ROBO1: variants seen among roughly 807,000 people sequenced by gnomAD.
ROBO1 encodes the protein roundabout guidance receptor 1, also known as roundabout homolog 1.
Under a neutral mutation model 195.9 loss-of-function variants are expected in ROBO1, and 149 were observed. The observed-to-expected ratio is 0.76, with a 90% CI of 0.67 to 0.87. The LOEUF is 0.87. ROBO1 is among the 40% of genes least tolerant of loss of function. The pLI is 0.00. For missense variants in ROBO1, 1,933 were observed against 2,068.3 expected, an observed-to-expected ratio of 0.93 and a Z score of 1.27; for synonymous variants, 816 against 733.2, an observed-to-expected ratio of 1.11 and a Z score of -1.82.
chr3:79,105,072 CA>C (rs1291257445), intron 3 of ROBO1, among the ~76,000 whole-genome samples: 2 of 151,422 alleles, frequency 1.3e-5, no homozygotes, highest in Non-Finnish European at 3.0e-5. Context: ...CAAGTTAATA[CA>C]AAAAAATCTA....
At chr3:79,619,917 G>T (rs955081286) in intron 1 of ROBO1, among the ~76,000 whole-genome samples, 4 of 152,124 alleles carry the variant, frequency 2.6e-5, no homozygotes, top group East Asian at 1.9e-4. Flanking sequence ...CGCCTTCAAG[G>T]TGTACAATAT....
chr3:79,081,675 A>G (rs1024504039), intron 3 of ROBO1, among the ~76,000 whole-genome samples: 9 of 152,182 alleles, frequency 5.9e-5, no homozygotes, highest in African/African-American at 2.2e-4. Flanking sequence ...GGTGCTAACA[A>G]ACACAATAGA....
chr3:79,535,972 T>C (rs1055441850), intron 2 of ROBO1, among the ~76,000 whole-genome samples: 1 of 152,134 alleles, frequency 6.6e-6, no homozygotes, highest in Non-Finnish European at 1.5e-5. Flanking sequence ...ATTAAATAAA[T>C]ATCTGCCTTT....
At chr3:78,787,233 A>G (rs1292338497) in intron 4 of ROBO1, among the ~76,000 whole-genome samples, 1 of 152,226 alleles carries the variant, frequency 6.6e-6, no homozygotes, top group Non-Finnish European at 1.5e-5. Context: ...TGTTTAATTC[A>G]GTAATCTATA....
intron 3 of ROBO1, among the ~76,000 whole-genome samples, chr3:79,050,003 C>G (rs954351108): frequency 6.6e-6 from 1 of 152,090 alleles, no homozygotes; most frequent in Non-Finnish European, 1.5e-5. Flanking sequence ...GCAAAATAAA[C>G]AGCCAACCTC....
intron 2 of ROBO1, among the ~76,000 whole-genome samples, chr3:79,238,816 TTCCC>T (rs1229201983): frequency 6.6e-6 from 1 of 152,220 alleles, no homozygotes; most frequent in Non-Finnish European, 1.5e-5. Context: ...TTGTTTCTCT[TTCCC>T]TGCTCAGTAT....
At position 79,672,690 on chromosome 3, in the gene ROBO1, T is replaced by C. The variant is rs1946666063; in HGVS notation, c.-50-82729A>G. Among the ~76,000 whole-genome samples the C allele has an allele frequency of 2.0e-5, 3 of 151,938 alleles. No homozygotes were observed. The South Asian group carries it at 6.2e-4, about 31-fold the overall frequency. ...TGGCTGTTGTATCTTTCAACCAGTA[T>C]GCAAACCTAAATGAGTCCTGCTATT... On this transcript the variant is annotated intron_variant, in intron 1 of 30. Transcript: ENST00000464233.
chr3:78,902,420 A>C (rs1364967612), intron 4 of ROBO1, among the ~76,000 whole-genome samples: 1 of 152,048 alleles, frequency 6.6e-6, no homozygotes, highest in Non-Finnish European at 1.5e-5. Context: ...GATTTCTTTC[A>C]CTTTATGCTC....
At chr3:78,631,053 T>C in intron 25 of ROBO1, 108 bp downstream of exon 25, 1 of 1,184,170 alleles carries the variant, frequency 8.4e-7, no homozygotes, top group East Asian at 2.7e-5. Context: ...CAACTGTTTG[T>C]GGACCTTAGG....
At chr3:78,712,867 G>C (rs1223389500) in intron 8 of ROBO1, among the ~76,000 whole-genome samples, 4 of 152,134 alleles carry the variant, frequency 2.6e-5, no homozygotes, top group African/African-American at 4.8e-5. Flanking sequence ...AGTTATAAAA[G>C]CATCAGGCTA....
At chr3:78,647,713 T>A in intron 19 of ROBO1, 58 bp from the exon 20 acceptor site, 1 of 1,294,588 alleles carries the variant, frequency 7.7e-7, no homozygotes, top group Non-Finnish European at 1.1e-6. Flanking sequence ...AAAGGGAACA[T>A]ATCACATTAG....
rs1209535093 is a variant in ROBO1 at position 79,390,619 on chromosome 3, G to A, written c.88+199205C>T. 3.9e-5 allele frequency among the ~76,000 whole-genome samples: 6 copies of A among 152,224 alleles called. No individual in the cohort carries two copies. The East Asian group carries it at 1.2e-3, about 29-fold the overall frequency. On this transcript the variant is annotated intron_variant, in intron 2 of 30. Transcript: ENST00000464233. ...TGATGCTGAGCAGCCTTAGTAAGAG[G>A]CAAACAAAGAAGTGATCTGCATTCA...
At chr3:79,004,557 C>T (rs1474257169) in intron 3 of ROBO1, among the ~76,000 whole-genome samples, 1 of 152,010 alleles carries the variant, frequency 6.6e-6, no homozygotes, top group Admixed American at 6.6e-5. Context: ...TCAAATCTAT[C>T]CTGGGTAGGT....
intron 2 of ROBO1, among the ~76,000 whole-genome samples, chr3:79,176,580 C>T (rs1395718294): frequency 6.6e-6 from 1 of 152,096 alleles, no homozygotes; most frequent in Non-Finnish European, 1.5e-5. Flanking sequence ...GTCTTAGCCT[C>T]CCAAGTAGCT....
intron 3 of ROBO1, among the ~76,000 whole-genome samples, chr3:79,114,067 C>G (rs1296470649): frequency 1.3e-5 from 2 of 152,102 alleles, no homozygotes; most frequent in African/African-American, 4.8e-5. Flanking sequence ...ATGGGAGTTC[C>G]CCTGCACAAG....
At chr3:78,688,002 A>G (rs1183037249) in intron 9 of ROBO1, among the ~76,000 whole-genome samples, 1 of 151,976 alleles carries the variant, frequency 6.6e-6, no homozygotes, top group African/African-American at 2.4e-5. Context: ...CGCTTCTAAG[A>G]TTTCCTATTT....
chr3:79,125,736 A>C (rs1281023886), intron 2 of ROBO1, among the ~76,000 whole-genome samples, 197 bp from the exon 3 acceptor site: 1 of 152,122 alleles, frequency 6.6e-6, no homozygotes, highest in African/African-American at 2.4e-5. Context: ...TGGTTTTTAC[A>C]GTTTCTACTT....
Position 79,369,182 on chromosome 3 carries a change from T to G in ROBO1, c.88+220642A>C, listed in dbSNP as rs529520506. 2.0e-5 allele frequency among the ~76,000 whole-genome samples: 3 copies of G among 152,320 alleles called. No homozygotes were observed. The South Asian group carries it at 6.2e-4, about 32-fold the overall frequency. ...CTTAAACCAGTAGGACTGGTGAATT[T>G]TAAGACAGAGAGAGCCACAAAACTC... On this transcript the variant is annotated intron_variant, in intron 2 of 30. Coordinates refer to ENST00000464233, the MANE Select transcript of ROBO1 (RefSeq NM_002941.4).
chr3:79,274,048 C>A (rs1447895988), intron 2 of ROBO1, among the ~76,000 whole-genome samples: 1 of 151,950 alleles, frequency 6.6e-6, no homozygotes, highest in East Asian at 1.9e-4. Flanking sequence ...AAGAGATAGA[C>A]CCCAACATAA....
Sources: allele counts gnomAD v4.1 joint callset (sites outside exome capture counted in the v4.1 genomes callset), GRCh38; gene constraint gnomAD v4.1.1; transcripts MANE v1.5; gene names NCBI Gene and HGNC (gene_info 2026-07-23, HGNC 2026-07-21).